The following SGCZ variants were observed in gnomAD, a reference collection of about 807,000 sequenced individuals.
SGCZ encodes zeta-sarcoglycan.
SGCZ carries 40 observed loss-of-function variants against 41.3 expected under a neutral mutation model. The ratio of observed to expected loss-of-function variants is 0.97; its 90% CI spans 0.75 to 1.26. SGCZ has a LOEUF of 1.26. Ranked by LOEUF, SGCZ falls within the 50% of genes most tolerant of loss-of-function variation. SGCZ has a pLI of 0.00. For synonymous variants in SGCZ, 206 were observed against 137.5 expected, an observed-to-expected ratio of 1.50 and a Z score of -3.49; for missense variants, 552 against 369.8, an observed-to-expected ratio of 1.49 and a Z score of -4.04.
At chr8:14,365,068 AT>A (rs1803649654) in intron 2 of SGCZ, among the ~76,000 whole-genome samples, 1 of 151,874 alleles carries the variant, frequency 6.6e-6, no homozygotes, top group Admixed American at 6.6e-5. Flanking sequence ...GTAATAAGCA[AT>A]TTTTTATCTC....
intron 1 of SGCZ, among the ~76,000 whole-genome samples, chr8:14,616,320 A>G (rs1388941096): frequency 1.3e-5 from 2 of 151,836 alleles, no homozygotes; most frequent in African/African-American, 4.8e-5. Flanking sequence ...CCTGAACTAG[A>G]CTGATGATGC....
At chr8:14,789,658 G>A (rs1280908258) in intron 1 of SGCZ, among the ~76,000 whole-genome samples, 1 of 151,962 alleles carries the variant, frequency 6.6e-6, no homozygotes, top group Non-Finnish European at 1.5e-5. Context: ...CAGGACCTTT[G>A]TACATGCAGC....
intron 1 of SGCZ, among the ~76,000 whole-genome samples, chr8:14,953,356 C>T (rs1800700290): frequency 6.6e-6 from 1 of 152,114 alleles, no homozygotes; most frequent in Non-Finnish European, 1.5e-5. Flanking sequence ...TCACTATCAC[C>T]AGAACAGCAA....
chr8:14,340,637 T>G (rs569736887), intron 2 of SGCZ, among the ~76,000 whole-genome samples: 1 of 152,146 alleles, frequency 6.6e-6, no homozygotes. Flanking sequence ...GTTTATAGAA[T>G]GTTCAAAAGT....
rs138824058 is a variant in SGCZ at position 14,775,504 on chromosome 8, CA to C, written c.40-220579del. 1.2e-3 allele frequency among the ~76,000 whole-genome samples: 175 copies of C among 142,100 alleles called. 5 individuals carry two copies. In the East Asian group the frequency reaches 0.018, roughly 15 times the overall value. The allele number at this position is 142,100 out of a possible 152,430, so 93.2% of individuals were successfully genotyped here. On this transcript the variant is annotated intron_variant, in intron 1 of 7. Coordinates refer to ENST00000382080, the MANE Select transcript of SGCZ (RefSeq NM_139167.4). ...GTGTGTGTGTGTGTGTGTGTGTACA[CA>C]GGGGGGAATAGAGATCATGAGGAAA...
chr8:14,883,196 A>G (rs150840720), intron 1 of SGCZ, among the ~76,000 whole-genome samples: 72 of 151,738 alleles, frequency 4.7e-4, no homozygotes, highest in Middle Eastern at 3.4e-3. Flanking sequence ...CAGAAAGAAG[A>G]AAGTCTATGA....
intron 2 of SGCZ, among the ~76,000 whole-genome samples, chr8:14,506,200 CAG>C (rs1480765699): frequency 1.3e-5 from 2 of 151,276 alleles, no homozygotes; most frequent in African/African-American, 2.4e-5. Flanking sequence ...AACAAACAAA[CAG>C]AAACAAAAAA....
intron 2 of SGCZ, among the ~76,000 whole-genome samples, chr8:14,516,652 A>C (rs1802630212): frequency 6.6e-6 from 1 of 152,080 alleles, no homozygotes; most frequent in African/African-American, 2.4e-5. Flanking sequence ...CCTAAAAAGC[A>C]TCCCATAAAG....
chr8:14,093,823 G>A (rs970578228), intron 7 of SGCZ, among the ~76,000 whole-genome samples: 1 of 152,020 alleles, frequency 6.6e-6, no homozygotes, highest in African/African-American at 2.4e-5. Flanking sequence ...TTAAAATAAT[G>A]CTAATCTTTC....
At chr8:14,783,826 A>G (rs561810211) in intron 1 of SGCZ, among the ~76,000 whole-genome samples, 100 of 152,262 alleles carry the variant, frequency 6.6e-4, no homozygotes, top group African/African-American at 2.3e-3. Context: ...GTTTATTCAA[A>G]AATCATTTAT....
At chr8:14,883,987 C>A (rs1804695535) in intron 1 of SGCZ, among the ~76,000 whole-genome samples, 1 of 151,950 alleles carries the variant, frequency 6.6e-6, no homozygotes, top group African/African-American at 2.4e-5. Context: ...TTTAGAATAG[C>A]AATCAAGTAA....
At chr8:14,695,738 G>C (rs1808938982) in intron 1 of SGCZ, among the ~76,000 whole-genome samples, 1 of 151,548 alleles carries the variant, frequency 6.6e-6, no homozygotes, top group African/African-American at 2.4e-5. Context: ...AGTTTTCAAA[G>C]ATGCATGCAT....
At chr8:14,269,243 T>G (rs1051033946) in intron 3 of SGCZ, among the ~76,000 whole-genome samples, 1 of 152,218 alleles carries the variant, frequency 6.6e-6, no homozygotes, top group Non-Finnish European at 1.5e-5. Flanking sequence ...CTTTAATGGC[T>G]CAAATTTATT....
At chr8:14,540,010 C>G (rs1243869594) in intron 2 of SGCZ, among the ~76,000 whole-genome samples, 1 of 151,624 alleles carries the variant, frequency 6.6e-6, no homozygotes, top group Non-Finnish European at 1.5e-5. Context: ...ATTTAAGAAG[C>G]CTGACAAGGA....
At chr8:14,299,084 A>G (rs985082518) in intron 3 of SGCZ, among the ~76,000 whole-genome samples, 8 of 152,076 alleles carry the variant, frequency 5.3e-5, no homozygotes, top group Non-Finnish European at 7.4e-5. Context: ...AAGCAATTCA[A>G]TGGAGAAAGA....
chr8:14,284,520 T>A (rs545168048), intron 3 of SGCZ, among the ~76,000 whole-genome samples: 2 of 152,346 alleles, frequency 1.3e-5, no homozygotes, highest in East Asian at 3.9e-4. Flanking sequence ...AGATTTAAAC[T>A]TTTTATTCCG....
intron 1 of SGCZ, among the ~76,000 whole-genome samples, chr8:14,852,851 G>A (rs1365438977): frequency 6.6e-6 from 1 of 152,098 alleles, no homozygotes; most frequent in African/African-American, 2.4e-5. Flanking sequence ...GGATTCCTGT[G>A]GTATTGTTCC....
intron 5 of SGCZ, among the ~76,000 whole-genome samples, chr8:14,143,956 C>T (rs1803448572): frequency 6.6e-6 from 1 of 152,240 alleles, no homozygotes; most frequent in East Asian, 1.9e-4. Flanking sequence ...TTAAACCAGC[C>T]CTAACAAGGC....
chr8:14,457,294 A>G (rs748507865), intron 2 of SGCZ, among the ~76,000 whole-genome samples: 2 of 152,332 alleles, frequency 1.3e-5, no homozygotes, highest in Non-Finnish European at 2.9e-5. Context: ...TGTTATGCCC[A>G]CACAGGGCCA....
Sources: gnomAD v4.1 joint callset for allele counts (sites outside exome capture counted in the v4.1 genomes callset) on GRCh38, gnomAD v4.1.1 for gene constraint, MANE v1.5 for transcripts, NCBI Gene and HGNC (gene_info 2026-07-23, HGNC 2026-07-21) for gene names.